The following USP47 variants were observed in gnomAD, a reference collection of about 807,000 sequenced individuals.
USP47 encodes ubiquitin specific peptidase 47.
Under a neutral mutation model 165.1 loss-of-function variants are expected in USP47, and 35 were observed. The ratio of observed to expected loss-of-function variants is 0.21; its 90% CI spans 0.16 to 0.28. USP47 has a LOEUF of 0.28. Ranked by LOEUF, USP47 falls within the 10% of genes least tolerant of loss-of-function variation. The pLI is 1.00. For missense variants in USP47, 1,277 were observed against 1,607.4 expected, an observed-to-expected ratio of 0.79 and a Z score of 3.52; for synonymous variants, 531 against 544.5, an observed-to-expected ratio of 0.98 and a Z score of 0.35.
intron 1 of USP47, among the ~76,000 whole-genome samples, chr11:11,846,639 C>A (rs1275322213): frequency 6.6e-6 from 1 of 152,054 alleles, no homozygotes; most frequent in Non-Finnish European, 1.5e-5. Context: ...ATACCAGATA[C>A]TGTTGGTTGT....
intron 3 of USP47, among the ~76,000 whole-genome samples, chr11:11,890,635 T>C (rs1295769134): frequency 1.3e-5 from 2 of 152,170 alleles, no homozygotes; most frequent in East Asian, 1.9e-4. Context: ...AGAAATACCA[T>C]TTGACCCAGC....
intron 22 of USP47, 28 bp from the exon 23 acceptor site, chr11:11,949,861 C>T: frequency 6.8e-7 from 1 of 1,473,884 alleles, no homozygotes; most frequent in Non-Finnish European, 9.5e-7. Flanking sequence ...ATAATTCAAG[C>T]TCTGATTGTT....
chr11:11,902,281 C>T (rs1012244152), intron 5 of USP47, among the ~76,000 whole-genome samples: 4 of 151,854 alleles, frequency 2.6e-5, no homozygotes, highest in Non-Finnish European at 5.9e-5. Context: ...CAATTTATTC[C>T]CTGCAAAAAA....
At chr11:11,906,448 A>G (rs2134474302) in intron 8 of USP47, among the ~76,000 whole-genome samples, 1 of 152,310 alleles carries the variant, frequency 6.6e-6, no homozygotes, top group Middle Eastern at 3.4e-3. Context: ...AGATAGTGCT[A>G]CAAGTATGGT....
intron 1 of USP47, among the ~76,000 whole-genome samples, chr11:11,843,365 G>A (rs1219917872): frequency 6.6e-6 from 1 of 152,192 alleles, no homozygotes; most frequent in Middle Eastern, 3.2e-3. Flanking sequence ...TTTGTAAAAG[G>A]CAGAGAGTTA....
At chr11:11,920,558 G>T in intron 10 of USP47, 64 bp downstream of exon 10, 2 of 1,466,634 alleles carry the variant, frequency 1.4e-6, no homozygotes, top group East Asian at 2.4e-5. Flanking sequence ...GGTTTTGAAA[G>T]AGCTGTTTGA....
chr11:11,901,701 G>A (rs1330103115), intron 5 of USP47, among the ~76,000 whole-genome samples: 1 of 152,134 alleles, frequency 6.6e-6, no homozygotes, highest in African/African-American at 2.4e-5. Context: ...GCTCACGCTT[G>A]TAATCCCAGC....
rs147529499 is a variant in USP47 at position 11,842,920 on chromosome 11, C to T, written c.39+696C>T. On this transcript the variant is annotated intron_variant, in intron 1 of 27. Coordinates refer to ENST00000527733, the MANE Select transcript of USP47 (RefSeq NM_001282659.2). The stretch of plus-strand genomic sequence containing the variant: ...CTTAAATTCTTAAAAGCAAGTGATA[C>T]GAGAAGCCTTGACTACTTGGCTTCT... Among the ~76,000 whole-genome samples the T allele has an allele frequency of 1.5e-3, 216 of 145,562 alleles. 2 individuals carry two copies. The highest frequency in any genetic ancestry group is 4.9e-3 in the African/African-American group (192 of 39,030).
At chr11:11,881,068 A>G (rs1167126094) in intron 2 of USP47, among the ~76,000 whole-genome samples, 1 of 151,990 alleles carries the variant, frequency 6.6e-6, no homozygotes, top group Non-Finnish European at 1.5e-5. Context: ...TCTCTCTTTC[A>G]TGGTGTAGCA....
At chr11:11,944,791 G>C (rs750946497) in intron 20 of USP47, among the ~76,000 whole-genome samples, 1 of 152,098 alleles carries the variant, frequency 6.6e-6, no homozygotes, top group African/African-American at 2.4e-5. Context: ...ACCCATCAAG[G>C]ACATTAGAAA....
chr11:11,847,309 A>G (rs536376860), intron 1 of USP47, among the ~76,000 whole-genome samples: 12 of 146,822 alleles, frequency 8.2e-5, no homozygotes, highest in Admixed American at 7.4e-4. Context: ...CAGTTTTCCT[A>G]TTTCCCCTCT....
At chr11:11,921,925 A>G (rs953672285) in intron 10 of USP47, among the ~76,000 whole-genome samples, 1 of 151,914 alleles carries the variant, frequency 6.6e-6, no homozygotes, top group Non-Finnish European at 1.5e-5. Flanking sequence ...TGTATATTAG[A>G]TGTAGTACCT....
At chr11:11,920,978 G>A (rs1362462020) in intron 10 of USP47, among the ~76,000 whole-genome samples, 1 of 151,546 alleles carries the variant, frequency 6.6e-6, no homozygotes, top group African/African-American at 2.4e-5. Flanking sequence ...TCCTTTTTTA[G>A]TTTTTTTAAT....
chr11:11,891,351 C>T (rs1055447324), intron 3 of USP47, among the ~76,000 whole-genome samples: 1 of 152,104 alleles, frequency 6.6e-6, no homozygotes, highest in African/African-American at 2.4e-5. Context: ...GGATACTAGA[C>T]AGTAATTAAA....
chr11:11,901,525 G>T (rs1223935967), intron 5 of USP47, among the ~76,000 whole-genome samples: 5 of 152,144 alleles, frequency 3.3e-5, no homozygotes, highest in Non-Finnish European at 1.5e-5. Context: ...TTGTTATTGA[G>T]ACAGTAGCTG....
intron 1 of USP47, chr11:11,856,980 C>T (rs1849082568): frequency 6.6e-6 from 1 of 152,136 alleles, no homozygotes; most frequent in Non-Finnish European, 1.5e-5. Flanking sequence ...AGTCACAGTG[C>T]AGTAACTGAG....
At position 11,959,456 on chromosome 11, in the gene USP47, TA is replaced by T. The variant is rs1847359243; in HGVS notation, c.*3282del. On this transcript the variant is annotated 3_prime_UTR_variant, in exon 28 of 28. Transcript: ENST00000527733. ...ACCAGGGAGATAGTAGGACAGTTTT[TA>T]TGAGGGTTTCAAAGGAGTTCATGGC... The T allele has an allele frequency of 6.6e-6, 1 of 152,186 alleles. No homozygotes were observed. The highest frequency in any genetic ancestry group is 1.5e-5 in the Non-Finnish European group (1 of 68,032). The allele number at this position is 152,186 out of a possible 1,614,324, so 9.4% of individuals were successfully genotyped here. A position where few individuals can be genotyped will look rare whatever the true frequency, so the allele number is the denominator to read the frequency against.
chr11:11,844,336 A>G (rs1394685598), intron 1 of USP47, among the ~76,000 whole-genome samples: 3 of 151,970 alleles, frequency 2.0e-5, no homozygotes, highest in Non-Finnish European at 2.9e-5. Flanking sequence ...TCTTTTTTGT[A>G]TTCTTAATTG....
chr11:11,902,474 T>C (rs991568231), intron 5 of USP47, among the ~76,000 whole-genome samples: 1 of 152,210 alleles, frequency 6.6e-6, no homozygotes, highest in African/African-American at 2.4e-5. Flanking sequence ...CCTTCTTTTC[T>C]TGAGCACTTT....
Sources: gnomAD v4.1 joint callset for allele counts (sites outside exome capture counted in the v4.1 genomes callset) on GRCh38, gnomAD v4.1.1 for gene constraint, MANE v1.5 for transcripts, NCBI Gene and HGNC (gene_info 2026-07-23, HGNC 2026-07-21) for gene names.